The following ARAP3 variants were observed in gnomAD, a reference collection of about 807,000 sequenced individuals.
ARAP3 encodes arf-GAP with Rho-GAP domain, ANK repeat and PH domain-containing protein 3.
ARAP3 carries 82 observed loss-of-function variants against 169.2 expected under a neutral mutation model. That is an observed-to-expected ratio of 0.48 (90% CI 0.41 to 0.58). ARAP3 has a LOEUF of 0.58. ARAP3 is among the 20% of genes least tolerant of loss of function. The pLI is 0.00. For missense variants in ARAP3, 1,764 were observed against 2,018.0 expected (o/e 0.87, Z 2.41); for synonymous variants, 791 against 800.3 (o/e 0.99, Z 0.20).
intron 4 of ARAP3, among the ~76,000 whole-genome samples, chr5:141,676,161 A>C (rs1429729323): frequency 1.3e-5 from 2 of 152,160 alleles, no homozygotes; most frequent in Non-Finnish European, 2.9e-5. Flanking sequence ...CATCCTGGCC[A>C]ACATGGTGAA....
At chr5:141,659,287 G>T in intron 23 of ARAP3, 121 bp downstream of exon 23, 2 of 904,334 alleles carry the variant, frequency 2.2e-6, no homozygotes, top group East Asian at 2.5e-5. Context: ...GTCTCCCAAA[G>T]AGCTGAGTGC....
At chr5:141,679,371 C>T (rs1000778446) in intron 4 of ARAP3, among the ~76,000 whole-genome samples, 174 bp downstream of exon 4, 1 of 152,240 alleles carries the variant, frequency 6.6e-6, no homozygotes, top group Admixed American at 6.5e-5. Flanking sequence ...TATTCCCTGT[C>T]TGTCCCACTG....
chr5:141,678,235 G>A (rs998690639), intron 4 of ARAP3, among the ~76,000 whole-genome samples: 6 of 152,228 alleles, frequency 3.9e-5, no homozygotes, highest in Non-Finnish European at 7.4e-5. Flanking sequence ...ACAGGCATGA[G>A]CCACTGTGCC....
chr5:141,666,720 C>T (rs2099910696), intron 16 of ARAP3, 77 bp from the exon 17 acceptor site: 9 of 710,968 alleles, frequency 1.3e-5, no homozygotes, highest in Non-Finnish European at 1.8e-5. Context: ...ATGAGAGTGA[C>T]CGGGGTAGCG....
rs551957672 is a variant in ARAP3, at chr5:141,666,407, C to G, written c.2572+17G>C. 3.2e-6 allele frequency: 5 copies of G among 1,540,334 alleles called. No individual in the cohort carries two copies. The African/African-American group carries it at 4.2e-5, about 13-fold the overall frequency. On this transcript the variant is annotated intron_variant, in intron 17 of 32. Transcript: ENST00000239440. ...TGGCCACCCTTCATCCCTGTCCCCC[C>G]AAACCTCCCCGCTTACTGATCTCCT...
intron 14 of ARAP3, 129 bp from the exon 15 acceptor site, chr5:141,670,192 C>G: frequency 7.7e-7 from 1 of 1,296,972 alleles, no homozygotes; most frequent in Non-Finnish European, 1.0e-6. Flanking sequence ...TTCACAATAA[C>G]CCTATGAGGT....
rs1186766447 is a variant in ARAP3 at position 141,679,546 on chromosome 5, T to C, written c.697A>G (p.Arg233Gly). The C allele has an allele frequency of 6.2e-7, 1 of 1,613,980 alleles. No homozygotes were observed. Among genetic ancestry groups the C allele is most frequent in the African/African-American group, 1.3e-5 (1 of 75,022 alleles). The change falls in exon 4 of 33, where the codon AGG becomes GGG. Residue 233 changes from arginine (R) to glycine (G), a missense_variant and splice_region_variant. This residue lies in a region of ARAP3 where 630 missense variants were observed against 678.7 expected (regional missense o/e 0.93). Coordinates refer to ENST00000239440, the MANE Select transcript of ARAP3 (RefSeq NM_022481.6). The stretch of plus-strand genomic sequence containing the variant: ...ACCACTTCCCTATTTAGTACTCACC[T>C]GTGTTCAGCCCTGCCCTGACAAACA... ...RGVCQGRAEH[R>G]LSRQDLEARE... is the part of the protein sequence containing the mutation.
chr5:141,666,079 C>T (rs1282965572), intron 17 of ARAP3, among the ~76,000 whole-genome samples: 3 of 146,066 alleles, frequency 2.1e-5, no homozygotes, highest in African/African-American at 5.1e-5. Flanking sequence ...ATAATAACAA[C>T]ATTTATTGAG....
chr5:141,668,674 T>C (rs1394995519), intron 16 of ARAP3, among the ~76,000 whole-genome samples: 1 of 152,004 alleles, frequency 6.6e-6, no homozygotes, highest in African/African-American at 2.4e-5. Flanking sequence ...GGAGACAATG[T>C]GTTAGTGTGA....
At chr5:141,668,202 G>T (rs1358495352) in intron 16 of ARAP3, among the ~76,000 whole-genome samples, 2 of 151,976 alleles carry the variant, frequency 1.3e-5, no homozygotes, top group African/African-American at 4.8e-5. Context: ...AACCTCCGAG[G>T]CTCAAGCAAT....
chr5:141,668,372 G>T (rs561748143), intron 16 of ARAP3, among the ~76,000 whole-genome samples: 1 of 152,324 alleles, frequency 6.6e-6, no homozygotes, highest in South Asian at 2.1e-4. Flanking sequence ...GGAATTGCAA[G>T]TGTGAGCCAC....
rs1429033001 is a variant in ARAP3, at chr5:141,661,746, C to A, written c.3057G>T (p.Val1019=). 1 of 1,614,222 alleles carries A rather than the reference C, an allele frequency of 6.2e-7. No individual in the cohort carries two copies. The stretch of plus-strand genomic sequence containing the variant: ...GGTTGACCCGCGGCAGGCAGCCAAT[C>A]ACATCTTTATATTTCTCCAGGCGCT... ...KNQRLEKYKD[V]IGCLPRVNRR... The change falls in exon 21 of 33, where the codon GTG becomes GTT. Residue 1019 remains valine (V), a synonymous_variant. Coordinates refer to ENST00000239440, the MANE Select transcript of ARAP3 (RefSeq NM_022481.6).
rs1226584732 is a variant in ARAP3 at position 141,672,495 on chromosome 5, C to A, written c.1385+57G>T. The A allele has an allele frequency of 1.9e-6, 3 of 1,589,972 alleles. No homozygotes were observed. The highest frequency in any genetic ancestry group is 2.7e-5 in the African/African-American group (2 of 74,248). The stretch of plus-strand genomic sequence containing the variant: ...CTAAAGAGGCCTCTAGTCCTCTGCA[C>A]CCTTGTGCCTCCCGCAAAAGTCCCC... On this transcript the variant is annotated intron_variant, in intron 9 of 32. Coordinates refer to ENST00000239440, the MANE Select transcript of ARAP3 (RefSeq NM_022481.6). The surrounding 1 kb of genome is among the most constrained non-coding windows in gnomAD (Gnocchi z 4.9).
In ARAP3 at chr5:141,672,001, G is replaced by GT; in HGVS notation, c.1586-22dup. On this transcript the variant is annotated intron_variant, in intron 10 of 32. Coordinates refer to ENST00000239440, the MANE Select transcript of ARAP3 (RefSeq NM_022481.6). The surrounding 1 kb of genome is among the most constrained non-coding windows in gnomAD (Gnocchi z 4.9). ...CTGACCTGTGAGGGTGTGAGGGTGT[G>GT]TGAGGGTGTGTGAGGGTGTGAGGGG... is the stretch of plus-strand genomic sequence containing the variant. The GT allele has an allele frequency of 6.2e-7, 1 of 1,613,862 alleles. No homozygotes were observed. The highest frequency in any genetic ancestry group is 1.1e-5 in the South Asian group (1 of 91,076).
At chr5:141,661,302 G>A (rs898532752) in intron 21 of ARAP3, among the ~76,000 whole-genome samples, 1 of 152,098 alleles carries the variant, frequency 6.6e-6, no homozygotes, top group African/African-American at 2.4e-5. Flanking sequence ...GGCCTTAGAT[G>A]ACCCGCCCAC....
At chr5:141,679,681 C>T in intron 3 of ARAP3, 25 bp from the exon 4 acceptor site, 1 of 1,613,966 alleles carries the variant, frequency 6.2e-7, no homozygotes, top group Non-Finnish European at 8.5e-7. Context: ...GGGGAACGCA[C>T]AAGGAAGAGG....
chr5:141,655,138 G>A (rs1051361346), intron 32 of ARAP3, among the ~76,000 whole-genome samples: 3 of 134,240 alleles, frequency 2.2e-5, no homozygotes, highest in South Asian at 2.4e-4. Context: ...CCTTTTCCTC[G>A]CTCTCCCTCT....
chr5:141,679,721 G>A (rs760307187), intron 3 of ARAP3, 40 bp downstream of exon 3: 228 of 1,613,866 alleles, frequency 1.4e-4, no homozygotes, highest in Non-Finnish European at 1.8e-4. Context: ...AGGTCCTGCC[G>A]GCACTATCCC....
chr5:141,673,262 G>A, intron 6 of ARAP3, 129 bp from the exon 7 acceptor site: 1 of 1,562,712 alleles, frequency 6.4e-7, no homozygotes, highest in Non-Finnish European at 8.7e-7. Flanking sequence ...TGCTAAGCCA[G>A]CTACTTTAAA....
Sources: gnomAD v4.1 joint callset for allele counts (sites outside exome capture counted in the v4.1 genomes callset) on GRCh38, gnomAD v4.1.1 for gene constraint, gnomAD v4.1.1 regional missense constraint, Gnocchi (gnomAD v3.1) non-coding constraint, MANE v1.5 for transcripts, NCBI Gene and HGNC (gene_info 2026-07-23, HGNC 2026-07-21) for gene names.